Variants in CTNND2 observed in about 807,000 individuals in gnomAD.
The protein encoded by CTNND2 is catenin delta-2.
A neutral mutation model predicts 144.4 loss-of-function variants in CTNND2; 22 were observed. The observed-to-expected ratio is 0.15, with a 90% CI of 0.11 to 0.22. The LOEUF (loss-of-function observed/expected upper bound fraction) is 0.22, where lower values mean the gene tolerates loss of function less well. Among genes scored for constraint, CTNND2 ranks in the 10% least tolerant of loss-of-function variants. The pLI is 1.00. For missense variants in CTNND2, 1,353 were observed against 1,618.8 expected, an observed-to-expected ratio of 0.84 and a Z score of 2.82; for synonymous variants, 751 against 695.6, an observed-to-expected ratio of 1.08 and a Z score of -1.25.
chr5:11,049,303 G>A (rs1745592436), intron 16 of CTNND2, among the ~76,000 whole-genome samples: 1 of 152,166 alleles, frequency 6.6e-6, no homozygotes, highest in Non-Finnish European at 1.5e-5. Flanking sequence ...TTAGAGGGGA[G>A]GACAAGGGTG....
intron 2 of CTNND2, among the ~76,000 whole-genome samples, chr5:11,721,708 C>T (rs117065029): frequency 0.014 from 2,057 of 152,328 alleles, 22 homozygotes; most frequent in East Asian, 0.056. Flanking sequence ...TGCCTGGAGA[C>T]TGCGTGCCTG....
intron 12 of CTNND2, among the ~76,000 whole-genome samples, chr5:11,138,124 T>C (rs1056813227): frequency 5.9e-5 from 9 of 152,194 alleles, no homozygotes; most frequent in Non-Finnish European, 8.8e-5. Flanking sequence ...TGAGGATCTT[T>C]CCCAGCTTCT....
chr5:11,359,961 C>T (rs1302790306), intron 8 of CTNND2, among the ~76,000 whole-genome samples: 2 of 152,108 alleles, frequency 1.3e-5, no homozygotes, highest in Admixed American at 6.5e-5. Context: ...GACTTGGGTA[C>T]CCTGCTCCTT....
intron 1 of CTNND2, among the ~76,000 whole-genome samples, chr5:11,782,126 C>T (rs967529693): frequency 3.3e-5 from 5 of 152,192 alleles, no homozygotes; most frequent in African/African-American, 1.2e-4. Flanking sequence ...TTGCCTGCCA[C>T]CATTTAAGAC....
At chr5:11,652,570 G>A (rs1044881051) in intron 2 of CTNND2, among the ~76,000 whole-genome samples, 2 of 152,094 alleles carry the variant, frequency 1.3e-5, no homozygotes, top group African/African-American at 4.8e-5. Flanking sequence ...CTATAGGAAA[G>A]CATTGTTTCT....
At chr5:11,552,896 T>C (rs1303129166) in intron 3 of CTNND2, among the ~76,000 whole-genome samples, 1 of 152,144 alleles carries the variant, frequency 6.6e-6, no homozygotes. Flanking sequence ...CAAACAAATA[T>C]GAACATGCAT....
At chr5:11,378,903 AAT>A (rs779100422) in intron 7 of CTNND2, among the ~76,000 whole-genome samples, 10 of 152,182 alleles carry the variant, frequency 6.6e-5, no homozygotes, top group Non-Finnish European at 1.3e-4. Flanking sequence ...CTAAATACTG[AAT>A]TTTATGTCCA....
chr5:11,761,966 T>C (rs1320895417), intron 1 of CTNND2, among the ~76,000 whole-genome samples: 1 of 152,196 alleles, frequency 6.6e-6, no homozygotes, highest in East Asian at 1.9e-4. Flanking sequence ...AGGTCACATA[T>C]ATATAGATTA....
chr5:11,439,086 G>A (rs1042280737), intron 3 of CTNND2, among the ~76,000 whole-genome samples: 20 of 152,006 alleles, frequency 1.3e-4, no homozygotes, highest in African/African-American at 4.6e-4. Flanking sequence ...AATTTACCTG[G>A]CAGAGAGGGC....
intron 1 of CTNND2, among the ~76,000 whole-genome samples, chr5:11,772,325 T>G (rs1441855306): frequency 1.3e-5 from 2 of 152,126 alleles, no homozygotes; most frequent in African/African-American, 4.8e-5. Context: ...TGGAAAAGAG[T>G]TTAAAGTCAA....
intron 3 of CTNND2, among the ~76,000 whole-genome samples, chr5:11,510,490 AT>A: frequency 6.6e-6 from 1 of 152,314 alleles, no homozygotes. Flanking sequence ...TTGTGGTTTT[AT>A]TTGTACAGCT....
rs111943078 is a variant in CTNND2, at chr5:11,659,903, G to A, written c.174+72233C>T. On this transcript the variant is annotated intron_variant, in intron 2 of 21. Coordinates refer to ENST00000304623, the MANE Select transcript of CTNND2 (RefSeq NM_001332.4). ...TTCCAGGCAAACACATGTTAAGAAG[G>A]GTTCTTACTGTAGTAGTAATAGTAT... is the stretch of plus-strand genomic sequence containing the variant. 5.2e-3 allele frequency among the ~76,000 whole-genome samples: 787 copies of A among 152,160 alleles called. 8 individuals carry two copies. Among genetic ancestry groups the A allele is most frequent in the African/African-American group, 0.014 (583 of 41,504 alleles).
At chr5:11,108,220 T>C (rs1752611462) in intron 14 of CTNND2, among the ~76,000 whole-genome samples, 1 of 152,176 alleles carries the variant, frequency 6.6e-6, no homozygotes, top group African/African-American at 2.4e-5. Flanking sequence ...TGGAACAGCA[T>C]GAACAGAAGC....
chr5:11,400,391 T>C (rs151205961), intron 5 of CTNND2, among the ~76,000 whole-genome samples: 175 of 152,194 alleles, frequency 1.1e-3, no homozygotes, highest in African/African-American at 4.1e-3. Context: ...GCAGAAGCCA[T>C]GGTCTCATTT....
chr5:11,832,040 T>C lies in CTNND2; in HGVS notation c.37+71777A>G, dbSNP rs551631189. Among the ~76,000 whole-genome samples the C allele has an allele frequency of 3.2e-4, 49 of 152,254 alleles. No individual in the cohort carries two copies. In the South Asian group the frequency reaches 9.8e-3, roughly 30 times the overall value. On this transcript the variant is annotated intron_variant, in intron 1 of 21. Transcript: ENST00000304623. Reference sequence around the variant, plus strand: ...GGCTTATGCCTGTAATCCCAGCACTTTGGGAGTCCTAGACAGGTGGATCAT... The same window carrying C: ...GGCTTATGCCTGTAATCCCAGCACTCTGGGAGTCCTAGACAGGTGGATCAT...
chr5:11,553,820 T>C (rs1345016835), intron 3 of CTNND2, among the ~76,000 whole-genome samples: 1 of 152,140 alleles, frequency 6.6e-6, no homozygotes, highest in African/African-American at 2.4e-5. Context: ...TTGTAAAACA[T>C]CTGTTTATAC....
At chr5:11,703,638 A>G (rs573841442) in intron 2 of CTNND2, among the ~76,000 whole-genome samples, 1 of 152,366 alleles carries the variant, frequency 6.6e-6, no homozygotes, top group East Asian at 1.9e-4. Context: ...AGAGTGGAAT[A>G]AAATATTGTC....
intron 2 of CTNND2, among the ~76,000 whole-genome samples, chr5:11,645,864 T>C (rs1782316158): frequency 6.6e-6 from 1 of 152,202 alleles, no homozygotes; most frequent in Non-Finnish European, 1.5e-5. Context: ...ATATTTATTT[T>C]ATGAAAATAA....
intron 11 of CTNND2, among the ~76,000 whole-genome samples, chr5:11,178,952 C>T (rs1760737180): frequency 6.6e-6 from 1 of 152,138 alleles, no homozygotes; most frequent in African/African-American, 2.4e-5. Context: ...TTTAAAATTA[C>T]CCCACTGAGA....
Sources: gnomAD v4.1 joint callset for allele counts (sites outside exome capture counted in the v4.1 genomes callset) on GRCh38, gnomAD v4.1.1 for gene constraint, MANE v1.5 for transcripts, NCBI Gene and HGNC (gene_info 2026-07-23, HGNC 2026-07-21) for gene names.